The following MAF variants were observed in gnomAD, a reference collection of about 807,000 sequenced individuals.
MAF encodes the protein MAF bZIP transcription factor, also known as transcription factor Maf.
A neutral mutation model predicts 22.0 loss-of-function variants in MAF; 10 were observed. That is an observed-to-expected ratio of 0.45 (90% CI 0.28 to 0.77). The LOEUF (loss-of-function observed/expected upper bound fraction) is 0.77, where lower values mean the gene tolerates loss of function less well. MAF is among the 30% of genes least tolerant of loss of function. The pLI, the probability that MAF is intolerant of heterozygous loss-of-function variation, is 0.12. For missense variants in MAF, 544 were observed against 548.4 expected (o/e 0.99, Z 0.08); for synonymous variants, 337 against 255.8 (o/e 1.32, Z -3.03).
the MAF span, among the ~76,000 whole-genome samples, chr16:79,362,563 A>G: frequency 6.6e-6 from 1 of 152,246 alleles, no homozygotes; most frequent in Non-Finnish European, 1.5e-5. Context: ...ACAGATTTAG[A>G]AAGTTGCGAA....
the MAF span, among the ~76,000 whole-genome samples, chr16:79,332,378 G>T: frequency 1.3e-5 from 2 of 151,958 alleles, no homozygotes; most frequent in South Asian, 4.2e-4. Flanking sequence ...ACATCTCACC[G>T]CAAACTCCAC....
chr16:79,348,297 G>A, the MAF span, among the ~76,000 whole-genome samples: 2 of 152,328 alleles, frequency 1.3e-5, no homozygotes, highest in African/African-American at 2.4e-5. Context: ...TGACCACTTT[G>A]GAGAAACACA....
At chr16:79,380,020 A>G in the MAF span, among the ~76,000 whole-genome samples, 1 of 152,196 alleles carries the variant, frequency 6.6e-6, no homozygotes, top group South Asian at 2.1e-4. Flanking sequence ...AGGTCCAGGT[A>G]ACACGCACAC....
At chr16:79,231,146 C>G in the MAF span, among the ~76,000 whole-genome samples, 1 of 152,040 alleles carries the variant, frequency 6.6e-6, no homozygotes, top group Admixed American at 6.6e-5. Flanking sequence ...ACGATACTGT[C>G]TCCACCTGGA....
At chr16:79,295,654 A>T in the MAF span, among the ~76,000 whole-genome samples, 26 of 152,378 alleles carry the variant, frequency 1.7e-4, no homozygotes, top group Admixed American at 1.6e-3. Context: ...ACCAGGTTTA[A>T]TGCAAATGAG....
chr16:79,395,204 G>C, the MAF span, among the ~76,000 whole-genome samples: 5 of 152,196 alleles, frequency 3.3e-5, no homozygotes, highest in Admixed American at 1.3e-4. Context: ...GCTTAGGCCT[G>C]AGCCTGTGCC....
the MAF span, among the ~76,000 whole-genome samples, chr16:79,456,960 C>T: frequency 6.8e-6 from 1 of 147,560 alleles, no homozygotes; most frequent in East Asian, 2.0e-4. Flanking sequence ...ACACACACAC[C>T]CTTGGAGCCT....
the MAF span, among the ~76,000 whole-genome samples, chr16:79,533,725 G>C: frequency 1.3e-5 from 2 of 152,050 alleles, no homozygotes; most frequent in South Asian, 4.1e-4. Context: ...TTCAATACCA[G>C]TGACCTCTCC....
chr16:79,391,875 GAGGAGGAGGAGGAGGAGGAGGAGC>G, the MAF span, among the ~76,000 whole-genome samples: 2 of 127,640 alleles, frequency 1.6e-5, no homozygotes, highest in African/African-American at 2.6e-5. Context: ...GGAGGAGAAG[GAGGAGGAGGAGGAGGAGGAGGAGC>G]AGGAGGAGGA....
chr16:79,397,683 T>G, the MAF span, among the ~76,000 whole-genome samples: 1 of 152,172 alleles, frequency 6.6e-6, no homozygotes, highest in Admixed American at 6.5e-5. Context: ...CTGGACCCTG[T>G]GTTATCAATG....
the MAF span, among the ~76,000 whole-genome samples, chr16:79,571,723 C>T: frequency 1.3e-5 from 2 of 152,044 alleles, no homozygotes; most frequent in Non-Finnish European, 2.9e-5. Context: ...TACAAGGTTT[C>T]CAGCCTTGGC....
At chr16:79,477,339 T>C in the MAF span, among the ~76,000 whole-genome samples, 11 of 152,220 alleles carry the variant, frequency 7.2e-5, no homozygotes, top group East Asian at 1.4e-3. Context: ...AACAGAGAAA[T>C]TGAAGTGGCT....
chr16:79,272,498 G>A, the MAF span, among the ~76,000 whole-genome samples: 1 of 152,158 alleles, frequency 6.6e-6, no homozygotes. Flanking sequence ...TCTGCACACC[G>A]ACTTGCTCAG....
At chr16:79,333,432 C>T in the MAF span, among the ~76,000 whole-genome samples, 1 of 152,098 alleles carries the variant, frequency 6.6e-6, no homozygotes, top group Admixed American at 6.6e-5. Context: ...GAGGACATGA[C>T]AACAGGCCAA....
chr16:79,222,963 G>T, the MAF span, among the ~76,000 whole-genome samples: 1 of 152,138 alleles, frequency 6.6e-6, no homozygotes, highest in African/African-American at 2.4e-5. Flanking sequence ...ATATCGACGA[G>T]ACAGAAAATT....
At chr16:79,282,266 T>C in the MAF span, among the ~76,000 whole-genome samples, 1 of 152,134 alleles carries the variant, frequency 6.6e-6, no homozygotes, top group Non-Finnish European at 1.5e-5. Flanking sequence ...ATTTTGTAAA[T>C]ATCCATGGCC....
the MAF span, among the ~76,000 whole-genome samples, chr16:79,539,361 G>C: frequency 6.6e-6 from 1 of 152,090 alleles, no homozygotes; most frequent in African/African-American, 2.4e-5. Context: ...AAATTGGCCG[G>C]GCTTGGTGGC....
At chr16:79,228,034 G>A in the MAF span, among the ~76,000 whole-genome samples, 2 of 152,056 alleles carry the variant, frequency 1.3e-5, no homozygotes, top group South Asian at 2.1e-4. Flanking sequence ...CTCCCAAGTA[G>A]CTAGGACTAT....
At chr16:79,298,394 G>A in the MAF span, among the ~76,000 whole-genome samples, 7 of 152,324 alleles carry the variant, frequency 4.6e-5, no homozygotes, top group Admixed American at 4.6e-4. Context: ...TTTCTTCGCT[G>A]GGGATTACAT....
Sources: allele counts gnomAD v4.1 joint callset (sites outside exome capture counted in the v4.1 genomes callset), GRCh38; gene constraint gnomAD v4.1.1; transcripts MANE v1.5; gene names NCBI Gene and HGNC (gene_info 2026-07-23, HGNC 2026-07-21).